SHISA9: variants seen among roughly 807,000 people sequenced by gnomAD.
The protein encoded by SHISA9 is shisa family member 9.
Under a neutral mutation model 38.0 loss-of-function variants are expected in SHISA9, and 13 were observed. The observed-to-expected ratio is 0.34, with a 90% CI of 0.22 to 0.54. The LOEUF is 0.54. Among genes scored for constraint, SHISA9 ranks in the 20% least tolerant of loss-of-function variants. The pLI, the probability that SHISA9 is intolerant of heterozygous loss-of-function variation, is 0.91. For missense variants in SHISA9, 538 were observed against 575.8 expected (o/e 0.93, Z 0.67); for synonymous variants, 275 against 242.0 (o/e 1.14, Z -1.27).
intron 2 of SHISA9, among the ~76,000 whole-genome samples, chr16:13,126,567 G>A (rs1390086303): frequency 7.0e-6 from 1 of 142,996 alleles, no homozygotes; most frequent in African/African-American, 2.7e-5. Flanking sequence ...GGGAGAGAGG[G>A]AGAGAAAGGG....
chr16:13,453,502 A>T, the SHISA9 span, among the ~76,000 whole-genome samples: 1 of 152,156 alleles, frequency 6.6e-6, no homozygotes, highest in East Asian at 1.9e-4. Flanking sequence ...TGCCATGGTC[A>T]TGAGAACAAG....
At chr16:13,415,691 A>G in the SHISA9 span, among the ~76,000 whole-genome samples, 1 of 152,230 alleles carries the variant, frequency 6.6e-6, no homozygotes, top group Non-Finnish European at 1.5e-5. Context: ...TCTAGAAAAC[A>G]GAATGGATTA....
At chr16:13,522,774 T>G in the SHISA9 span, among the ~76,000 whole-genome samples, 446 of 152,254 alleles carry the variant, frequency 2.9e-3, no homozygotes, top group Non-Finnish European at 5.1e-3. Context: ...AATTAGTTCT[T>G]TAGGATTTAG....
intron 2 of SHISA9, among the ~76,000 whole-genome samples, chr16:13,113,272 T>G (rs1420421097): frequency 6.6e-6 from 1 of 150,566 alleles, no homozygotes; most frequent in Non-Finnish European, 1.5e-5. Context: ...TAGACTGACC[T>G]AAACTAAAGT....
chr16:13,433,474 T>G, the SHISA9 span, among the ~76,000 whole-genome samples: 1 of 152,234 alleles, frequency 6.6e-6, no homozygotes, highest in Non-Finnish European at 1.5e-5. Flanking sequence ...ATCACATATA[T>G]TGTCTTTTGG....
the SHISA9 span, among the ~76,000 whole-genome samples, chr16:13,259,619 G>A: frequency 6.6e-6 from 1 of 152,202 alleles, no homozygotes; most frequent in Non-Finnish European, 1.5e-5. Flanking sequence ...CTAGGCCAAG[G>A]TTCCCAAACC....
the SHISA9 span, among the ~76,000 whole-genome samples, chr16:13,464,210 C>T: frequency 2.0e-5 from 3 of 152,142 alleles, no homozygotes; most frequent in African/African-American, 7.2e-5. Flanking sequence ...TGCTACCTAG[C>T]ACTTAGGGTT....
At chr16:13,441,723 G>C in the SHISA9 span, among the ~76,000 whole-genome samples, 1 of 152,100 alleles carries the variant, frequency 6.6e-6, no homozygotes, top group Non-Finnish European at 1.5e-5. Flanking sequence ...TCATTCACTG[G>C]CTCTGGGTCT....
At chr16:12,944,252 A>G (rs1186492167) in intron 2 of SHISA9, among the ~76,000 whole-genome samples, 2 of 152,234 alleles carry the variant, frequency 1.3e-5, no homozygotes, top group East Asian at 1.9e-4. Context: ...GAGATGCTCA[A>G]TAAATCTTTA....
chr16:13,421,854 G>A, the SHISA9 span, among the ~76,000 whole-genome samples: 8 of 152,140 alleles, frequency 5.3e-5, no homozygotes, highest in African/African-American at 1.9e-4. Flanking sequence ...CGAATCCCAG[G>A]TTGGGGTAAA....
intron 2 of SHISA9, among the ~76,000 whole-genome samples, chr16:12,925,481 C>T (rs1033044534): frequency 7.9e-5 from 8 of 100,640 alleles, no homozygotes; most frequent in African/African-American, 2.5e-4. Context: ...GTGCAAGCAA[C>T]AGAGAAAGAC....
the SHISA9 span, among the ~76,000 whole-genome samples, chr16:13,454,014 A>ACT: frequency 6.6e-6 from 1 of 152,088 alleles, no homozygotes; most frequent in Non-Finnish European, 1.5e-5. Flanking sequence ...CATTTAAAGA[A>ACT]CTCCTCCTTC....
At chr16:13,551,301 CTT>C in the SHISA9 span, among the ~76,000 whole-genome samples, 1 of 152,164 alleles carries the variant, frequency 6.6e-6, no homozygotes, top group African/African-American at 2.4e-5. Flanking sequence ...CCAACACAAA[CTT>C]ATATTCACAA....
the SHISA9 span, among the ~76,000 whole-genome samples, chr16:13,380,673 TTTATTA>T: frequency 2.0e-5 from 3 of 151,966 alleles, no homozygotes; most frequent in Admixed American, 6.6e-5. Context: ...AACTTGGCAT[TTTATTA>T]TTATTATTAT....
At chr16:13,383,575 G>A in the SHISA9 span, among the ~76,000 whole-genome samples, 2 of 152,284 alleles carry the variant, frequency 1.3e-5, no homozygotes, top group East Asian at 3.9e-4. Context: ...CCTGGAAAGG[G>A]CATTGAGAGG....
At chr16:13,221,034 G>GAAAA in intron 4 of SHISA9, among the ~76,000 whole-genome samples, 1 of 147,400 alleles carries the variant, frequency 6.8e-6, no homozygotes, top group African/African-American at 2.5e-5. Flanking sequence ...TGGGATTTTA[G>GAAAA]AAAAAAAAAA....
chr16:13,419,986 C>CT, the SHISA9 span, among the ~76,000 whole-genome samples: 1 of 152,100 alleles, frequency 6.6e-6, no homozygotes, highest in African/African-American at 2.4e-5. Context: ...TGGCTCATGG[C>CT]TATAATCCCA....
At chr16:12,911,567 T>A in intron 1 of SHISA9, 1 of 171,666 alleles carries the variant, frequency 5.8e-6, no homozygotes, top group African/African-American at 2.4e-5. Context: ...GACTTCATAC[T>A]ATCATTAGTT....
At chr16:13,058,013 G>A (rs1194582889) in intron 2 of SHISA9, among the ~76,000 whole-genome samples, 1 of 152,112 alleles carries the variant, frequency 6.6e-6, no homozygotes, top group African/African-American at 2.4e-5. Flanking sequence ...AATATTCCAT[G>A]GTGAATATGT....
Sources: gnomAD v4.1 joint callset for allele counts (sites outside exome capture counted in the v4.1 genomes callset) on GRCh38, gnomAD v4.1.1 for gene constraint, MANE v1.5 for transcripts, NCBI Gene and HGNC (gene_info 2026-07-23, HGNC 2026-07-21) for gene names.